Variants in RHCG observed in about 807,000 individuals in gnomAD.
RHCG encodes ammonium transporter Rh type C.
A neutral mutation model predicts 55.3 loss-of-function variants in RHCG; 39 were observed. The observed-to-expected ratio is 0.70, with a 90% CI of 0.55 to 0.92. The LOEUF (loss-of-function observed/expected upper bound fraction) is 0.92, where lower values mean the gene tolerates loss of function less well. Ranked by LOEUF, RHCG falls within the 40% of genes least tolerant of loss-of-function variation. RHCG has a pLI of 0.00. For missense variants in RHCG, 635 were observed against 627.9 expected (o/e 1.01, Z -0.12); for synonymous variants, 250 against 246.8 (o/e 1.01, Z -0.12).
intron 1 of RHCG, among the ~76,000 whole-genome samples, chr15:89,489,119 A>ATTG (rs902672405): frequency 7.2e-5 from 11 of 152,050 alleles, no homozygotes; most frequent in Admixed American, 2.0e-4. Context: ...GTGTTCTTTT[A>ATTG]TTGTTGTTGT....
chr15:89,493,145 C>G (rs1390610237), intron 1 of RHCG, among the ~76,000 whole-genome samples: 1 of 152,160 alleles, frequency 6.6e-6, no homozygotes, highest in Non-Finnish European at 1.5e-5. Flanking sequence ...ACACAGTCCT[C>G]CCGGTGTTTG....
Position 89,472,779 on chromosome 15 carries a change from C to T in RHCG, c.1396G>A (p.Val466Met), listed in dbSNP as rs985071320. The T allele has an allele frequency of 6.3e-7, 1 of 1,580,218 alleles. No individual in the cohort carries two copies. The highest frequency in any genetic ancestry group is 1.4e-5 in the African/African-American group (1 of 73,778). Reference protein sequence around the residue: ...SGPSVPSVPMVSPLPMASSVP... With the variant: ...SGPSVPSVPMMSPLPMASSVP... ...GAGGAAGCCATGGGTAGTGGGGACA[C>T]CATGGGTACTGAGGGTACTGAGGGT... Residue 466 changes from valine to methionine, a missense_variant, in exon 10 of 11, where the codon GTG becomes ATG. Val to Met is a conservative substitution (Grantham distance 21, BLOSUM62 1). Transcript: ENST00000268122.
At chr15:89,474,230 A>C (rs909531562) in intron 9 of RHCG, among the ~76,000 whole-genome samples, 4 of 152,206 alleles carry the variant, frequency 2.6e-5, no homozygotes, top group African/African-American at 9.6e-5. Context: ...CAGGATTTCT[A>C]TTTTACTGTA....
In RHCG at chr15:89,479,853, T is replaced by A. The variant is rs1347926; in HGVS notation, c.671-365A>T. On this transcript the variant is annotated intron_variant, in intron 4 of 10. Transcript: ENST00000268122. ...GGAGCTCCTGGAGGGCAGGGCTGGG[T>A]TTTGAGAGACCAGAATGGCTGTGGT... 2,273 of 372,056 alleles carry A rather than the reference T, an allele frequency of 6.1e-3. 49 individuals are homozygous for A. The highest frequency in any genetic ancestry group is 0.041 in the Admixed American group (942 of 23,096). The allele number at this position is 372,056 out of a possible 1,614,324, so 23.0% of individuals were successfully genotyped here. A position where few individuals can be genotyped will look rare whatever the true frequency, so the allele number is the denominator to read the frequency against.
chr15:89,496,178 C>A (rs1352403823), intron 1 of RHCG, among the ~76,000 whole-genome samples, 183 bp downstream of exon 1: 3 of 152,298 alleles, frequency 2.0e-5, no homozygotes, highest in African/African-American at 7.2e-5. Flanking sequence ...TAGTTTTTCA[C>A]GGGGAAAAGG....
chr15:89,493,820 C>T (rs566811607), intron 1 of RHCG, among the ~76,000 whole-genome samples: 2 of 152,278 alleles, frequency 1.3e-5, no homozygotes, highest in South Asian at 4.1e-4. Context: ...GTGACCTTTG[C>T]AAGACACTTC....
intron 1 of RHCG, among the ~76,000 whole-genome samples, chr15:89,494,770 AG>A (rs1961536285): frequency 6.6e-6 from 1 of 151,958 alleles, no homozygotes; most frequent in Non-Finnish European, 1.5e-5. Context: ...AGCCTCCCAA[AG>A]TATGCTGGGA....
At chr15:89,485,248 A>G (rs527968427) in intron 2 of RHCG, among the ~76,000 whole-genome samples, 2 of 152,160 alleles carry the variant, frequency 1.3e-5, no homozygotes, top group Non-Finnish European at 2.9e-5. Flanking sequence ...GTGGTGGCCA[A>G]TGATATATAT....
At chr15:89,476,242 T>G (rs943837873) in intron 9 of RHCG, among the ~76,000 whole-genome samples, 5 of 152,118 alleles carry the variant, frequency 3.3e-5, no homozygotes, top group Admixed American at 3.3e-4. Flanking sequence ...AAGTTTTCTA[T>G]TATTTTTTGT....
In RHCG at chr15:89,472,847, C is replaced by T. The variant is rs143601658; in HGVS notation, c.1328G>A (p.Ser443Asn). ...GGGGTCCTCAGGGATGTAGACAGTGCTGTTCCCTTCAGGCATCTACAGAGA... is the reference window on the plus strand; with the variant it reads ...GGGGTCCTCAGGGATGTAGACAGTGTTGTTCCCTTCAGGCATCTACAGAGA... ...AVYWEMPEGN[S>N]TVYIPEDPTF... Residue 443 changes from serine (S) to asparagine (N), a missense_variant, in exon 10 of 11, where the codon AGC (serine) becomes AAC (asparagine). By Grantham distance (46) the Ser-to-Asn change is conservative. Coordinates refer to ENST00000268122, the MANE Select transcript of RHCG (RefSeq NM_016321.3). 20 of 1,504,606 alleles carry T rather than the reference C, an allele frequency of 1.3e-5. No homozygotes were observed. The South Asian group carries it at 2.0e-4, about 15-fold the overall frequency. The allele number at this position is 1,504,606 out of a possible 1,614,324, so 93.2% of individuals were successfully genotyped here. A position where few individuals can be genotyped will look rare whatever the true frequency, so the allele number is the denominator to read the frequency against.
intron 1 of RHCG, among the ~76,000 whole-genome samples, chr15:89,487,937 G>A (rs796722414): frequency 1.4e-4 from 21 of 152,272 alleles, no homozygotes; most frequent in African/African-American, 4.8e-4. Context: ...TTTTCTCAAC[G>A]ACCAAACTAA....
intron 1 of RHCG, among the ~76,000 whole-genome samples, chr15:89,488,725 T>C (rs1354552741): frequency 6.7e-6 from 1 of 149,346 alleles, no homozygotes; most frequent in Admixed American, 6.7e-5. Flanking sequence ...GTATTAAAGT[T>C]AATACCTTAC....
intron 1 of RHCG, among the ~76,000 whole-genome samples, chr15:89,495,046 G>A (rs1042483764): frequency 6.6e-6 from 1 of 152,128 alleles, no homozygotes; most frequent in Non-Finnish European, 1.5e-5. Context: ...TGAATCCCAA[G>A]GCTGCAGCTG....
intron 1 of RHCG, among the ~76,000 whole-genome samples, chr15:89,495,301 C>T (rs1056501426): frequency 6.6e-6 from 1 of 152,134 alleles, no homozygotes; most frequent in African/African-American, 2.4e-5. Flanking sequence ...CAGTTGTTTT[C>T]TTGGAGATAG....
intron 1 of RHCG, among the ~76,000 whole-genome samples, chr15:89,491,062 C>G (rs1449951459): frequency 6.6e-6 from 1 of 152,104 alleles, no homozygotes; most frequent in Admixed American, 6.5e-5. Flanking sequence ...TGTCAGTTGC[C>G]TGGTGGTATA....
intron 2 of RHCG, among the ~76,000 whole-genome samples, chr15:89,484,331 T>G (rs1961321714): frequency 6.6e-6 from 1 of 152,186 alleles, no homozygotes; most frequent in South Asian, 2.1e-4. Context: ...GTACTGTATA[T>G]GCCCTCCTGT....
chr15:89,485,034 C>T (rs1291813574), intron 2 of RHCG, among the ~76,000 whole-genome samples: 1 of 152,166 alleles, frequency 6.6e-6, no homozygotes, highest in Non-Finnish European at 1.5e-5. Context: ...ATGCTCATCC[C>T]AGCCCCGGGC....
chr15:89,472,756 G>T lies in RHCG; in HGVS notation c.1419C>A (p.Ser473=). The T allele has an allele frequency of 6.3e-7, 1 of 1,597,670 alleles. No homozygotes were observed. Among genetic ancestry groups the T allele is most frequent in the East Asian group, 2.3e-5 (1 of 43,652 alleles). ...VPMVSPLPMA[S]SVPLVP ...GAGCCTAGGGTACCAAGGGTACCGA[G>T]GAAGCCATGGGTAGTGGGGACACCA... The change falls in exon 10 of 11, where the codon TCC becomes TCA. Residue 473 remains serine, a synonymous_variant. Coordinates refer to ENST00000268122, the MANE Select transcript of RHCG (RefSeq NM_016321.3).
intron 1 of RHCG, among the ~76,000 whole-genome samples, chr15:89,495,287 T>G (rs879654107): frequency 1.3e-5 from 2 of 152,058 alleles, no homozygotes; most frequent in Non-Finnish European, 2.9e-5. Flanking sequence ...ATTCTGAAAG[T>G]GTGCAGTTGT....
Sources: allele counts gnomAD v4.1 joint callset (sites outside exome capture counted in the v4.1 genomes callset), GRCh38; gene constraint gnomAD v4.1.1; transcripts MANE v1.5; gene names NCBI Gene and HGNC (gene_info 2026-07-23, HGNC 2026-07-21).